Variants in PIP4K2A observed in about 807,000 individuals in gnomAD.
The protein encoded by PIP4K2A is phosphatidylinositol-5-phosphate 4-kinase type 2 alpha.
In PIP4K2A, 14 loss-of-function variants were observed where a neutral mutation model predicts 42.9. The observed-to-expected ratio is 0.33, with a 90% confidence interval of 0.22 to 0.51. PIP4K2A has a LOEUF of 0.51. Among genes scored for constraint, PIP4K2A ranks in the 20% least tolerant of loss-of-function variants. The pLI, the probability that PIP4K2A is intolerant of heterozygous loss-of-function variation, is 0.97. For missense variants in PIP4K2A, 434 were observed against 519.8 expected (o/e 0.83, Z 1.61); for synonymous variants, 192 against 192.2 (o/e 1.00, Z 0.01).
rs553042959 is a variant in PIP4K2A, at chr10:22,637,676, T to C, written c.145-27959A>G. The stretch of plus-strand genomic sequence containing the variant: ...AAACAGCACAAAGCAAGACAAGCAG[T>C]GTAAAGTGCACCGGCCAAAAGGCTG... On this transcript the variant is annotated intron_variant, in intron 1 of 9. Coordinates refer to ENST00000376573, the MANE Select transcript of PIP4K2A (RefSeq NM_005028.5). Among the ~76,000 whole-genome samples the C allele has an allele frequency of 9.7e-4, 148 of 152,168 alleles. 1 individual carries two copies. Among genetic ancestry groups the C allele is most frequent in the African/African-American group, 3.4e-3 (143 of 41,524 alleles).
Position 22,627,591 on chromosome 10 carries a change from TAAAAAAAAAAAAAAAAAAAAAAAAA to T in PIP4K2A, c.145-17899_145-17875del, listed in dbSNP as rs57671642. On this transcript the variant is annotated intron_variant, in intron 1 of 9. Transcript: ENST00000376573. ...TGTTTAACCAAAAGCTAATATGTAA[TAAAAAAAAAAAAAAAAAAAAAAAAA>T]AAAAAAAAAAAAAAAGATAAGGAAA... Among the ~76,000 whole-genome samples the T allele has an allele frequency of 6.1e-3, 346 of 57,046 alleles. 1 individual carries two copies. The highest frequency in any genetic ancestry group is 6.8e-3 in the Non-Finnish European group (218 of 31,832). The allele number at this position is 57,046 out of a possible 152,430, so 37.4% of individuals were successfully genotyped here.
chr10:22,632,651 T>TA (rs988259240), intron 1 of PIP4K2A, among the ~76,000 whole-genome samples: 3 of 152,214 alleles, frequency 2.0e-5, no homozygotes, highest in African/African-American at 7.2e-5. Context: ...GGCACACTCA[T>TA]ATCCCTGGCA....
chr10:22,680,000 T>C (rs1487135954), intron 1 of PIP4K2A, among the ~76,000 whole-genome samples: 1 of 152,064 alleles, frequency 6.6e-6, no homozygotes. Context: ...TTAGTAAATA[T>C]ACTAAAAAGC....
intron 1 of PIP4K2A, among the ~76,000 whole-genome samples, chr10:22,661,499 G>GCA (rs1398468852): frequency 6.6e-6 from 1 of 151,954 alleles, no homozygotes; most frequent in Non-Finnish European, 1.5e-5. Flanking sequence ...TGGACCACAG[G>GCA]CACGCACCAC....
chr10:22,545,498 G>A lies in PIP4K2A; in HGVS notation c.793-3451C>T, dbSNP rs980370826. 4.6e-5 allele frequency among the ~76,000 whole-genome samples: 7 copies of A among 152,314 alleles called. No homozygotes were observed. In the East Asian group the frequency reaches 5.8e-4, roughly 13 times the overall value. The stretch of plus-strand genomic sequence containing the variant: ...CCCCATCTGGGTTCCTCGCCACACC[G>A]GGCAGCCCAGAGTAATTTTCCTGGG... On this transcript the variant is annotated intron_variant, in intron 7 of 9. Coordinates refer to ENST00000376573, the MANE Select transcript of PIP4K2A (RefSeq NM_005028.5).
chr10:22,546,244 G>T (rs1398125121), intron 7 of PIP4K2A, among the ~76,000 whole-genome samples: 1 of 152,138 alleles, frequency 6.6e-6, no homozygotes, highest in Admixed American at 6.5e-5. Flanking sequence ...AAAATATGGT[G>T]CCTCACACAA....
rs561249465 is a variant in PIP4K2A, at chr10:22,714,162, G to A, written c.144+21C>T. 5.6e-6 allele frequency: 9 copies of A among 1,595,038 alleles called. No individual in the cohort carries two copies. The South Asian group carries it at 7.8e-5, about 14-fold the overall frequency. ...AGAGGAGGAGGAGGAAGGGGACCGC[G>A]CGCCGCAGCTGAGCCCTTACCGAGT... On this transcript the variant is annotated intron_variant, in intron 1 of 9. Transcript: ENST00000376573.
At chr10:22,713,905 G>C in intron 1 of PIP4K2A, 1 of 259,182 alleles carries the variant, frequency 3.9e-6, no homozygotes, top group Non-Finnish European at 7.4e-6. Flanking sequence ...GGCGGACCGG[G>C]GGCGGCACTG....
At chr10:22,631,649 A>G (rs1472106529) in intron 1 of PIP4K2A, among the ~76,000 whole-genome samples, 1 of 152,242 alleles carries the variant, frequency 6.6e-6, no homozygotes, top group African/African-American at 2.4e-5. Context: ...CTATGGAAGA[A>G]GAGGAAACTC....
chr10:22,627,011 C>T (rs1838453062), intron 1 of PIP4K2A, among the ~76,000 whole-genome samples: 1 of 152,100 alleles, frequency 6.6e-6, no homozygotes, highest in Admixed American at 6.6e-5. Context: ...AGGGCATTTG[C>T]CATCACATGA....
chr10:22,581,193 C>G (rs1270221567), intron 4 of PIP4K2A, among the ~76,000 whole-genome samples: 5 of 152,174 alleles, frequency 3.3e-5, no homozygotes, highest in Admixed American at 2.0e-4. Flanking sequence ...CAATGCTCAC[C>G]TGTCATTTCC....
At chr10:22,702,407 A>G (rs1299539688) in intron 1 of PIP4K2A, among the ~76,000 whole-genome samples, 2 of 152,244 alleles carry the variant, frequency 1.3e-5, no homozygotes, top group Admixed American at 6.5e-5. Context: ...ATAACACTGC[A>G]GCACACTCTT....
At chr10:22,614,624 CTA>C (rs1838134628) in intron 1 of PIP4K2A, among the ~76,000 whole-genome samples, 1 of 152,150 alleles carries the variant, frequency 6.6e-6, no homozygotes, top group African/African-American at 2.4e-5. Context: ...AATTAGTAAA[CTA>C]TTTTTTCAAT....
chr10:22,662,346 T>G (rs924096965), intron 1 of PIP4K2A, among the ~76,000 whole-genome samples: 2 of 152,210 alleles, frequency 1.3e-5, no homozygotes, highest in Non-Finnish European at 2.9e-5. Flanking sequence ...ATCAAGAACC[T>G]TTTGTAAGAT....
At chr10:22,620,208 C>G (rs572912863) in intron 1 of PIP4K2A, among the ~76,000 whole-genome samples, 1 of 152,204 alleles carries the variant, frequency 6.6e-6, no homozygotes, top group Non-Finnish European at 1.5e-5. Flanking sequence ...CCACTGTCAA[C>G]TTCATACAAA....
intron 3 of PIP4K2A, among the ~76,000 whole-genome samples, chr10:22,599,353 C>T (rs1837700268): frequency 6.6e-6 from 1 of 152,216 alleles, no homozygotes; most frequent in South Asian, 2.1e-4. Flanking sequence ...GGCCACTGAT[C>T]TTTGTCTCTA....
intron 1 of PIP4K2A, among the ~76,000 whole-genome samples, chr10:22,699,873 G>A (rs572679074): frequency 6.6e-6 from 1 of 152,240 alleles, no homozygotes; most frequent in South Asian, 2.1e-4. Flanking sequence ...TCACCAGAAT[G>A]CTTAAAAATA....
intron 1 of PIP4K2A, among the ~76,000 whole-genome samples, chr10:22,704,937 G>C (rs765267359): frequency 1.3e-5 from 2 of 152,128 alleles, no homozygotes; most frequent in Non-Finnish European, 2.9e-5. Flanking sequence ...TATATAGCTA[G>C]CAGCTACAAA....
chr10:22,554,079 T>C (rs935557064), intron 6 of PIP4K2A, among the ~76,000 whole-genome samples: 2 of 151,868 alleles, frequency 1.3e-5, no homozygotes, highest in African/African-American at 4.8e-5. Flanking sequence ...AGGTCAAAGT[T>C]GCAGAGAGCC....
Sources: allele counts gnomAD v4.1 joint callset (sites outside exome capture counted in the v4.1 genomes callset), GRCh38; gene constraint gnomAD v4.1.1; transcripts MANE v1.5; gene names NCBI Gene and HGNC (gene_info 2026-07-23, HGNC 2026-07-21).